The following AKR1E2 variants were observed in gnomAD, a reference collection of about 807,000 sequenced individuals.
AKR1E2 encodes the protein aldo-keto reductase family 1 member E2.
In AKR1E2, 43 loss-of-function variants were observed where a neutral mutation model predicts 41.9. That is an observed-to-expected ratio of 1.03 (90% CI 0.80 to 1.32). The LOEUF (loss-of-function observed/expected upper bound fraction) is 1.32. Among genes scored for constraint, AKR1E2 ranks in the 40% most tolerant of loss-of-function variants. The probability of loss-of-function intolerance (pLI) is 0.00; values close to 1 mark genes in which losing one functional copy is unlikely to be tolerated. For missense variants in AKR1E2, 423 were observed against 396.5 expected (o/e 1.07, Z -0.57); for synonymous variants, 121 against 138.9 (o/e 0.87, Z 0.91).
At chr10:4,843,127 G>C (rs1441302819) in intron 8 of AKR1E2, among the ~76,000 whole-genome samples, 1 of 152,192 alleles carries the variant, frequency 6.6e-6, no homozygotes, top group Non-Finnish European at 1.5e-5. Flanking sequence ...TATTTTTGGA[G>C]CTATGTGAAG....
the AKR1E2 span, among the ~76,000 whole-genome samples, chr10:4,870,777 T>G: frequency 6.6e-6 from 1 of 152,144 alleles, no homozygotes; most frequent in African/African-American, 2.4e-5. Flanking sequence ...TTTATATTGT[T>G]TGAAGATCAC....
chr10:4,833,722 G>T, intron 3 of AKR1E2, among the ~76,000 whole-genome samples: 1 of 152,166 alleles, frequency 6.6e-6, no homozygotes, highest in East Asian at 1.9e-4. Context: ...CAAGCCAAGA[G>T]AGCAGTAGAT....
At chr10:4,872,945 G>T in the AKR1E2 span, among the ~76,000 whole-genome samples, 1 of 152,292 alleles carries the variant, frequency 6.6e-6, no homozygotes, top group African/African-American at 2.4e-5. Flanking sequence ...GAGCAATCCT[G>T]CTCTATGGGG....
intron 1 of AKR1E2, 133 bp downstream of exon 1, chr10:4,826,496 G>C (rs1832517746): frequency 2.3e-6 from 2 of 856,818 alleles, no homozygotes; most frequent in African/African-American, 3.5e-5. Flanking sequence ...GCCCGGGAAA[G>C]GCGCTGCTGA....
chr10:4,872,903 T>C, the AKR1E2 span, among the ~76,000 whole-genome samples: 2 of 152,088 alleles, frequency 1.3e-5, no homozygotes, highest in Non-Finnish European at 2.9e-5. Context: ...TCGAGTGATA[T>C]ATGAGTGAAG....
At chr10:4,854,460 C>T in the AKR1E2 span, among the ~76,000 whole-genome samples, 6 of 152,076 alleles carry the variant, frequency 3.9e-5, no homozygotes, top group African/African-American at 7.2e-5. Flanking sequence ...TTCACTCGTG[C>T]GAGATCTAAG....
chr10:4,849,448 C>T (rs1285373273), downstream of AKR1E2, among the ~76,000 whole-genome samples: 1 of 152,228 alleles, frequency 6.6e-6, no homozygotes, highest in Non-Finnish European at 1.5e-5. Flanking sequence ...ATGTAGCACT[C>T]TTGTGAACAC....
chr10:4,827,075 G>GAAAA (rs5782783), intron 1 of AKR1E2, among the ~76,000 whole-genome samples: 1,803 of 123,034 alleles, frequency 0.015, 29 homozygotes, highest in African/African-American at 0.045. Flanking sequence ...GACCTTGCTG[G>GAAAA]AAAAAAAAAA....
chr10:4,852,021 G>GA (rs1160548413), downstream of AKR1E2, among the ~76,000 whole-genome samples: 3 of 152,124 alleles, frequency 2.0e-5, no homozygotes, highest in Non-Finnish European at 4.4e-5. Flanking sequence ...GACGCCAGTG[G>GA]AAAATCAAAC....
In AKR1E2 at chr10:4,847,822, G is replaced by C. The variant is rs188927800; in HGVS notation, c.*292G>C. On this transcript the variant is annotated 3_prime_UTR_variant, in exon 10 of 10. Transcript: ENST00000298375. ...ACATTTTAAGAAAACTTTATCTTAT[G>C]GAGTTATTTAAGCCATCTACAGAGC... The C allele has an allele frequency of 5.0e-5, 21 of 421,772 alleles. No homozygotes were observed. The East Asian group carries it at 8.7e-4, about 17-fold the overall frequency. 26.1% of individuals were successfully genotyped at this position (421,772 alleles called of 1,614,324 possible). A position where few individuals can be genotyped will look rare whatever the true frequency, so the allele number is the denominator to read the frequency against.
At chr10:4,831,646 A>G (rs1832977494) in intron 2 of AKR1E2, among the ~76,000 whole-genome samples, 1 of 152,206 alleles carries the variant, frequency 6.6e-6, no homozygotes, top group South Asian at 2.1e-4. Flanking sequence ...GCTACAATTC[A>G]AGATGAGATT....
Position 4,847,883 on chromosome 10 carries a change from G to A in AKR1E2, c.*353G>A, listed in dbSNP as rs145929706. ...GTGTAATGTGTCTCTGCCCCATTGC[G>A]CAGCTCCACCCATTGTGCCCCAGGC... On this transcript the variant is annotated 3_prime_UTR_variant, in exon 10 of 10. Coordinates refer to ENST00000298375, the MANE Select transcript of AKR1E2 (RefSeq NM_001040177.3). 9.5e-4 allele frequency: 213 copies of A among 224,920 alleles called. 4 individuals are homozygous for A. The East Asian group carries it at 0.021, about 22-fold the overall frequency. The allele number at this position is 224,920 out of a possible 1,614,324, so 13.9% of individuals were successfully genotyped here.
the AKR1E2 span, among the ~76,000 whole-genome samples, chr10:4,873,190 A>G: frequency 6.6e-6 from 1 of 152,110 alleles, no homozygotes; most frequent in Non-Finnish European, 1.5e-5. Context: ...TGATGGTTTT[A>G]ACAACAGGAG....
intron 8 of AKR1E2, among the ~76,000 whole-genome samples, chr10:4,845,373 C>CA (rs1834252761): frequency 1.3e-5 from 2 of 152,212 alleles, no homozygotes; most frequent in Admixed American, 1.3e-4. Flanking sequence ...CACAGTGCAA[C>CA]GGTGGGCTGA....
At chr10:4,867,931 G>A in the AKR1E2 span, among the ~76,000 whole-genome samples, 1 of 152,132 alleles carries the variant, frequency 6.6e-6, no homozygotes. Context: ...GGTGACTCTT[G>A]AAACCTCACT....
rs745796889 is a variant in AKR1E2 at position 4,830,794 on chromosome 10, G to A, written c.159G>A (p.Lys53=). 1 of 1,614,036 alleles carries A rather than the reference G, an allele frequency of 6.2e-7. No homozygotes were observed. Among genetic ancestry groups the A allele is most frequent in the Admixed American group, 1.7e-5 (1 of 59,998 alleles). The stretch of plus-strand genomic sequence containing the variant: ...AGGTTGGAGCAGGGATCCGTTGCAA[G>A]ATCAAGGAAGGCGCTGTAAGACGGG... ...EREVGAGIRC[K]IKEGAVRRED... is the part of the protein sequence containing the mutation. The change falls in exon 2 of 10, where the codon AAG becomes AAA. Residue 53 remains lysine, a synonymous_variant. Coordinates refer to ENST00000298375, the MANE Select transcript of AKR1E2 (RefSeq NM_001040177.3).
rs996562628 is a variant in AKR1E2, at chr10:4,835,703, G to A, written c.353G>A (p.Cys118Tyr). The A allele has an allele frequency of 1.2e-6, 2 of 1,614,098 alleles. No individual in the cohort carries two copies. The highest frequency in any genetic ancestry group is 1.1e-5 in the South Asian group (1 of 91,088). The change falls in exon 4 of 10, where the codon TGC becomes TAC. Residue 118 changes from cysteine to tyrosine, a missense_variant. Coordinates refer to ENST00000298375, the MANE Select transcript of AKR1E2 (RefSeq NM_001040177.3). ...CCTCATCCAGAATGGATCATGAGCT[G>A]CAGTGAACTTTCCTTCTGCCTCTCA... ...KPPHPEWIMS[C>Y]SELSFCLSHP...
chr10:4,865,499 T>G, the AKR1E2 span, among the ~76,000 whole-genome samples: 183 of 152,300 alleles, frequency 1.2e-3, no homozygotes, highest in African/African-American at 4.3e-3. Flanking sequence ...AACAGGTAAT[T>G]TTCAGAAGAA....
In AKR1E2 at chr10:4,830,705, A is replaced by T; in HGVS notation, c.70A>T (p.Lys24Ter). 6.2e-7 allele frequency: 1 copy of T among 1,614,112 alleles called. No homozygotes were observed. The highest frequency in any genetic ancestry group is 8.5e-7 in the Non-Finnish European group (1 of 1,179,982). ...TCCAGGGAAAGTGACCGAGGCAGTG[A>T]AAGAGGCCATTGACGCAGGGTACCG... ...ASPGKVTEAV[K>*]EAIDAGYRHF... is the part of the protein sequence containing the mutation. The change falls in exon 2 of 10, where the codon AAA becomes TAA. Residue 24 changes from lysine to a stop codon, truncating the protein, a stop_gained. Coordinates refer to ENST00000298375, the MANE Select transcript of AKR1E2 (RefSeq NM_001040177.3). LOFTEE classifies it high-confidence loss of function.
Sources: gnomAD v4.1 joint callset for allele counts (sites outside exome capture counted in the v4.1 genomes callset) on GRCh38, gnomAD v4.1.1 for gene constraint, MANE v1.5 for transcripts, NCBI Gene and HGNC (gene_info 2026-07-23, HGNC 2026-07-21) for gene names.